Variants in NRG1 observed in about 807,000 individuals in gnomAD.
NRG1 encodes the protein pro-neuregulin-1, membrane-bound isoform.
Under a neutral mutation model 63.8 loss-of-function variants are expected in NRG1, and 18 were observed. The observed-to-expected ratio is 0.28, with a 90% CI of 0.19 to 0.42. NRG1 has a LOEUF of 0.42. NRG1 is among the 10% of genes least tolerant of loss of function. The pLI is 1.00. For synonymous variants in NRG1, 302 were observed against 301.3 expected, an observed-to-expected ratio of 1.00 and a Z score of -0.02; for missense variants, 762 against 814.7, an observed-to-expected ratio of 0.94 and a Z score of 0.79.
intron 1 of NRG1, among the ~76,000 whole-genome samples, chr8:32,323,650 C>T (rs1288218889): frequency 2.9e-4 from 44 of 152,258 alleles, no homozygotes; most frequent in Non-Finnish European, 5.9e-5. Flanking sequence ...GCCTTGAGGG[C>T]ACGTAAGCCA....
intron 9 of NRG1, among the ~76,000 whole-genome samples, chr8:32,757,056 T>C (rs1021871170): frequency 6.6e-6 from 1 of 152,192 alleles, no homozygotes; most frequent in Admixed American, 6.5e-5. Flanking sequence ...CCCTTCTCAG[T>C]AGCAAAAGAA....
intron 1 of NRG1, among the ~76,000 whole-genome samples, chr8:32,141,521 A>AGT (rs10555336): frequency 0.047 from 6,062 of 129,890 alleles, 241 homozygotes; most frequent in African/African-American, 0.1. Context: ...GAGATAGTTA[A>AGT]GTGTGTGTGT....
chr8:32,411,570 T>C (rs1377756376), intron 1 of NRG1, among the ~76,000 whole-genome samples: 1 of 152,166 alleles, frequency 6.6e-6, no homozygotes, highest in Non-Finnish European at 1.5e-5. Flanking sequence ...CTCAAAATAT[T>C]GTGTGCTCCA....
intron 1 of NRG1, among the ~76,000 whole-genome samples, chr8:31,804,152 C>G (rs1352099724): frequency 6.6e-6 from 1 of 152,100 alleles, no homozygotes; most frequent in Non-Finnish European, 1.5e-5. Flanking sequence ...AACAATATCT[C>G]GAGTAACCAC....
intron 1 of NRG1, among the ~76,000 whole-genome samples, chr8:32,027,665 G>T (rs919130084): frequency 3.9e-5 from 6 of 152,056 alleles, no homozygotes; most frequent in Non-Finnish European, 8.8e-5. Context: ...TTACTTTCAT[G>T]GATTATCTGT....
chr8:32,414,958 A>G (rs1815652296), intron 1 of NRG1, among the ~76,000 whole-genome samples: 1 of 152,118 alleles, frequency 6.6e-6, no homozygotes, highest in South Asian at 2.1e-4. Context: ...GATCTCATCC[A>G]TGTCCTTCAT....
At chr8:31,943,238 C>A (rs1802026598) in intron 1 of NRG1, among the ~76,000 whole-genome samples, 1 of 152,048 alleles carries the variant, frequency 6.6e-6, no homozygotes. Context: ...TTGTAGCAAC[C>A]TGGATGGAAT....
intron 5 of NRG1, among the ~76,000 whole-genome samples, chr8:32,649,252 G>A (rs572735027): frequency 2.0e-5 from 3 of 149,810 alleles, no homozygotes; most frequent in East Asian, 2.0e-4. Flanking sequence ...GAGAGCCCAC[G>A]CTCTTAAAAA....
intron 1 of NRG1, among the ~76,000 whole-genome samples, chr8:32,082,438 A>G (rs566939042): frequency 2.6e-5 from 4 of 151,846 alleles, no homozygotes; most frequent in African/African-American, 9.7e-5. Flanking sequence ...TTCATCCTTT[A>G]GCTCCCGCTT....
At chr8:32,626,038 C>G (rs1347947085) in intron 5 of NRG1, among the ~76,000 whole-genome samples, 1 of 151,904 alleles carries the variant, frequency 6.6e-6, no homozygotes, top group African/African-American at 2.4e-5. Context: ...AAGTGATCTG[C>G]CCACCTTGGC....
intron 1 of NRG1, among the ~76,000 whole-genome samples, chr8:32,357,236 C>G (rs1806556749): frequency 6.6e-6 from 1 of 152,008 alleles, no homozygotes; most frequent in South Asian, 2.1e-4. Context: ...GCATTAGTTA[C>G]AAGTTGTGAG....
At chr8:32,226,206 T>C (rs913011655) in intron 1 of NRG1, among the ~76,000 whole-genome samples, 3 of 152,202 alleles carry the variant, frequency 2.0e-5, no homozygotes, top group Non-Finnish European at 4.4e-5. Flanking sequence ...TTAGATCTGA[T>C]TTGGCCAACT....
At chr8:32,575,467 A>G (rs1409936056) in intron 1 of NRG1, among the ~76,000 whole-genome samples, 1 of 152,102 alleles carries the variant, frequency 6.6e-6, no homozygotes, top group Non-Finnish European at 1.5e-5. Flanking sequence ...AAAATTAACT[A>G]AACTTTGTAG....
At chr8:32,271,273 A>T (rs1851516138) in intron 1 of NRG1, among the ~76,000 whole-genome samples, 1 of 152,214 alleles carries the variant, frequency 6.6e-6, no homozygotes, top group South Asian at 2.1e-4. Context: ...CCCTATATAG[A>T]TAGGAGTTCC....
At chr8:32,598,638 T>C (rs982162136) in intron 2 of NRG1, among the ~76,000 whole-genome samples, 1 of 152,142 alleles carries the variant, frequency 6.6e-6, no homozygotes, top group Non-Finnish European at 1.5e-5. Context: ...AAAAATGTAT[T>C]GAAGTGATGC....
intron 1 of NRG1, among the ~76,000 whole-genome samples, chr8:31,875,440 G>A (rs1360387866): frequency 6.6e-6 from 1 of 152,226 alleles, no homozygotes; most frequent in African/African-American, 2.4e-5. Flanking sequence ...GAACAGCACT[G>A]TAAGACCCAG....
At chr8:31,699,012 A>G (rs1047755274) in intron 1 of NRG1, among the ~76,000 whole-genome samples, 1 of 152,128 alleles carries the variant, frequency 6.6e-6, no homozygotes, top group East Asian at 1.9e-4. Flanking sequence ...ATTGGTTAGG[A>G]CCCACTGACT....
At chr8:32,705,974 T>C (rs1816303448) in intron 5 of NRG1, among the ~76,000 whole-genome samples, 1 of 152,206 alleles carries the variant, frequency 6.6e-6, no homozygotes. Flanking sequence ...TTTTTAAAAA[T>C]TGTGGCCATA....
intron 1 of NRG1, among the ~76,000 whole-genome samples, chr8:32,214,563 A>T (rs1453608712): frequency 6.6e-6 from 1 of 152,096 alleles, no homozygotes; most frequent in Non-Finnish European, 1.5e-5. Context: ...GGATCACTTG[A>T]TCCCAGGGGT....
Sources: allele counts gnomAD v4.1 joint callset (sites outside exome capture counted in the v4.1 genomes callset), GRCh38; gene constraint gnomAD v4.1.1; transcripts MANE v1.5; gene names NCBI Gene and HGNC (gene_info 2026-07-23, HGNC 2026-07-21).